Variants in MID2 observed in about 807,000 individuals in gnomAD.
MID2 encodes the protein midline 2.
In MID2, 13 loss-of-function variants were observed where a neutral mutation model predicts 46.1. The ratio of observed to expected loss-of-function variants is 0.28; its 90% confidence interval spans 0.18 to 0.45. MID2 has a LOEUF of 0.45. Ranked by LOEUF, MID2 falls within the 20% of genes least tolerant of loss-of-function variation. The pLI is 1.00. For missense variants in MID2, 431 were observed against 575.4 expected, an observed-to-expected ratio of 0.75 and a Z score of 2.57; for synonymous variants, 199 against 212.3, an observed-to-expected ratio of 0.94 and a Z score of 0.55.
chrX:107,857,311 C>T (rs190518331), intron 3 of MID2, among the ~76,000 whole-genome samples: 24 of 102,416 alleles, frequency 2.3e-4, no homozygotes, highest in African/African-American at 8.3e-4. Context: ...GATGGAATCT[C>T]GCTCTGTTGC....
At chrX:107,857,655 A>G (rs1453427765) in intron 3 of MID2, among the ~76,000 whole-genome samples, 2 of 112,082 alleles carry the variant, frequency 1.8e-5, no homozygotes, top group Non-Finnish European at 3.8e-5. Context: ...CTGTCTCTCC[A>G]AAAGCCTTCA....
intron 4 of MID2, 31 bp from the exon 5 acceptor site, chrX:107,905,447 C>G: frequency 1.7e-6 from 2 of 1,150,533 alleles, no homozygotes; most frequent in Non-Finnish European, 2.3e-6. Context: ...CATGTTTTAT[C>G]TTATTTTTTT....
chrX:107,911,860 T>G (rs994851313), intron 5 of MID2, among the ~76,000 whole-genome samples: 1 of 111,759 alleles, frequency 8.9e-6, no homozygotes, highest in African/African-American at 3.3e-5. Flanking sequence ...ATCTCCTGCT[T>G]TTGATTGGAG....
rs1002656644 is a variant in MID2 at position 107,840,703 on chromosome X, C to G, written c.38C>G (p.Ser13Ter). 4.1e-6 allele frequency: 5 copies of G among 1,209,241 alleles called. No individual in the cohort carries two copies. In the African/African-American group the frequency reaches 8.8e-5, roughly 21 times the overall value. The change falls in exon 2 of 10, where the codon TCA (serine) becomes TGA (stop). Residue 13 changes from serine (S) to a stop codon, truncating the protein, a stop_gained. Coordinates refer to ENST00000262843, the MANE Select transcript of MID2 (RefSeq NM_012216.4). LOFTEE classifies it high-confidence loss of function. ...ESPASVVLNA[S>*]GGLFSLKMET... ...CCAGCCTCCGTGGTTCTTAATGCCT[C>G]AGGAGGACTATTTTCACTAAAGATG...
intron 3 of MID2, among the ~76,000 whole-genome samples, chrX:107,893,262 C>G (rs1932642917): frequency 8.9e-6 from 1 of 112,643 alleles, no homozygotes; most frequent in African/African-American, 3.2e-5. Context: ...GATCTTCTCA[C>G]TTCGTGTAAA....
intron 6 of MID2, among the ~76,000 whole-genome samples, chrX:107,916,418 A>G (rs1483176922): frequency 2.7e-5 from 3 of 112,250 alleles, no homozygotes; most frequent in Admixed American, 1.9e-4. Flanking sequence ...ACAGTAATGT[A>G]TTGTTGCTAG....
chrX:107,866,804 G>A (rs1219475145), intron 3 of MID2, among the ~76,000 whole-genome samples: 1 of 112,104 alleles, frequency 8.9e-6, no homozygotes, highest in Non-Finnish European at 1.9e-5. Context: ...GATGGAAGAA[G>A]GCTAACATCA....
At position 107,928,328 on chromosome X, in the gene MID2, T is replaced by A. The variant is rs1457457487; in HGVS notation, c.*1255T>A. Among the ~76,000 whole-genome samples, 1 of 111,609 alleles carries A rather than the reference T, an allele frequency of 9.0e-6. No homozygotes were observed. Among genetic ancestry groups the A allele is most frequent in the South Asian group, 3.7e-4 (1 of 2,671 alleles). ...AGTATTCATTCTCTTAGCCAATCCC[T>A]CCACGCAAATGGAGACAAACTTCAT... On this transcript the variant is annotated 3_prime_UTR_variant, in exon 10 of 10. Coordinates refer to ENST00000262843, the MANE Select transcript of MID2 (RefSeq NM_012216.4).
intron 2 of MID2, among the ~76,000 whole-genome samples, chrX:107,853,503 C>T (rs908274952): frequency 9.0e-5 from 10 of 110,659 alleles, no homozygotes; most frequent in African/African-American, 3.0e-4. Context: ...TTTTGTTGTG[C>T]TGCCCAAGCT....
At chrX:107,899,709 G>C (rs1932780004) in intron 3 of MID2, among the ~76,000 whole-genome samples, 1 of 110,353 alleles carries the variant, frequency 9.1e-6, no homozygotes, top group African/African-American at 3.3e-5. Flanking sequence ...AGGTTGCCAA[G>C]ATTGACCTAA....
At chrX:107,907,395 A>G (rs1327197664) in intron 5 of MID2, among the ~76,000 whole-genome samples, 1 of 112,404 alleles carries the variant, frequency 8.9e-6, no homozygotes, top group Non-Finnish European at 1.9e-5. Context: ...TTTACAAAGA[A>G]CAGTAAGTGT....
chrX:107,857,204 A>G (rs1241887241), intron 3 of MID2, among the ~76,000 whole-genome samples: 1 of 110,723 alleles, frequency 9.0e-6, no homozygotes, highest in Non-Finnish European at 1.9e-5. Flanking sequence ...ACCCTACAGG[A>G]TGGCTTATGG....
intron 3 of MID2, among the ~76,000 whole-genome samples, chrX:107,869,092 G>A (rs1311658169): frequency 1.8e-5 from 2 of 110,452 alleles, no homozygotes; most frequent in African/African-American, 6.6e-5. Flanking sequence ...CATATTTTCG[G>A]TGGTTTTATT....
chrX:107,861,843 G>T (rs951631346), intron 3 of MID2, among the ~76,000 whole-genome samples: 1 of 111,529 alleles, frequency 9.0e-6, no homozygotes, highest in Non-Finnish European at 1.9e-5. Context: ...TCCCTGACTT[G>T]GTGTCCAGCT....
intron 3 of MID2, chrX:107,901,175 G>A (rs1932792030): frequency 8.9e-6 from 1 of 111,910 alleles, no homozygotes; most frequent in African/African-American, 3.2e-5. Flanking sequence ...CAGTGGGAAT[G>A]GAGAAGGAAC....
intron 1 of MID2, 117 bp downstream of exon 1, chrX:107,826,547 T>C (rs951069184): frequency 1.5e-5 from 14 of 907,873 alleles, no homozygotes; most frequent in African/African-American, 1.0e-4. Flanking sequence ...GGCCGAGGGC[T>C]CTCCGGCTCG....
At chrX:107,851,766 C>T (rs1569463438) in intron 2 of MID2, among the ~76,000 whole-genome samples, 1 of 111,546 alleles carries the variant, frequency 9.0e-6, no homozygotes, top group Non-Finnish European at 1.9e-5. Context: ...TTTCCAGCTG[C>T]GTCCCCCACT....
chrX:107,834,151 A>T (rs1021178236), intron 1 of MID2, among the ~76,000 whole-genome samples: 1 of 111,719 alleles, frequency 9.0e-6, no homozygotes, highest in Admixed American at 9.5e-5. Flanking sequence ...CTACCCAGTT[A>T]TACAGCCCAA....
intron 3 of MID2, among the ~76,000 whole-genome samples, chrX:107,894,143 C>T (rs1012907894): frequency 1.8e-5 from 2 of 111,737 alleles, no homozygotes; most frequent in East Asian, 5.6e-4. Context: ...CTTCTATATA[C>T]CGATTTGTCT....
Sources: allele counts gnomAD v4.1 joint callset (sites outside exome capture counted in the v4.1 genomes callset), GRCh38; gene constraint gnomAD v4.1.1; transcripts MANE v1.5; gene names NCBI Gene and HGNC (gene_info 2026-07-23, HGNC 2026-07-21).